The following IMPG1 variants were observed in gnomAD, a reference collection of about 807,000 sequenced individuals.
IMPG1 encodes the protein interphotoreceptor matrix proteoglycan of 150 kDa.
IMPG1 carries 85 observed loss-of-function variants against 92.0 expected under a neutral mutation model. That is an observed-to-expected ratio of 0.92 (90% confidence interval 0.78 to 1.11). The LOEUF (loss-of-function observed/expected upper bound fraction) is 1.11, where lower values mean the gene tolerates loss of function less well. Ranked by LOEUF, IMPG1 falls within the 50% of genes least tolerant of loss-of-function variation. The probability of loss-of-function intolerance (pLI) is 0.00; values close to 1 mark genes in which losing one functional copy is unlikely to be tolerated. For synonymous variants in IMPG1, 367 were observed against 334.1 expected (o/e 1.10, Z -1.08); for missense variants, 1,022 against 956.0 (o/e 1.07, Z -0.91).
chr6:76,038,796 T>A (rs1582122914), intron 2 of IMPG1, among the ~76,000 whole-genome samples: 1 of 152,194 alleles, frequency 6.6e-6, no homozygotes, highest in East Asian at 1.9e-4. Flanking sequence ...AGCTTCTCTG[T>A]CAAAGGTCAT....
intron 12 of IMPG1, among the ~76,000 whole-genome samples, chr6:76,000,487 A>G (rs774456080): frequency 6.6e-6 from 1 of 152,224 alleles, no homozygotes; most frequent in Non-Finnish European, 1.5e-5. Context: ...GTAAATCGCT[A>G]TAAATCTTTT....
intron 5 of IMPG1, among the ~76,000 whole-genome samples, chr6:76,024,654 T>C (rs184300960): frequency 2.1e-5 from 3 of 145,568 alleles, no homozygotes; most frequent in Admixed American, 7.0e-5. Flanking sequence ...AGTGTTTGAC[T>C]TAGTAATCTA....
At chr6:76,068,263 T>C (rs923952610) in intron 1 of IMPG1, among the ~76,000 whole-genome samples, 2 of 152,158 alleles carry the variant, frequency 1.3e-5, no homozygotes, top group African/African-American at 2.4e-5. Context: ...TTGCTGCTGA[T>C]GATATGATCT....
chr6:75,950,758 G>C lies in IMPG1; in HGVS notation c.1628C>G (p.Pro543Arg), dbSNP rs766748874. Reference protein sequence around the residue: ...VPELSEYVSVPDHFLEDTTPV... With the variant: ...VPELSEYVSVRDHFLEDTTPV... ...AGTGGTATCCTCCAAGAAATGATCT[G>C]GGACAGAAACATATTCGCTGAGCTC... The change falls in exon 13 of 17, where the codon CCA (proline) becomes CGA (arginine). Residue 543 changes from proline to arginine, a missense_variant. Around this residue, in one of 3 missense-constraint regions of IMPG1, gnomAD observed 332 missense variants for 346.2 expected, o/e 0.96. Coordinates refer to ENST00000369950, the MANE Select transcript of IMPG1 (RefSeq NM_001563.4). 4 of 1,613,892 alleles carry C rather than the reference G, an allele frequency of 2.5e-6. No individual in the cohort carries two copies. The South Asian group carries it at 4.4e-5, about 18-fold the overall frequency.
At chr6:76,008,937 G>C (rs1452765695) in intron 8 of IMPG1, among the ~76,000 whole-genome samples, 1 of 152,084 alleles carries the variant, frequency 6.6e-6, no homozygotes, top group Non-Finnish European at 1.5e-5. Flanking sequence ...CTATAAATCA[G>C]TTTGCATTTT....
chr6:76,061,181 G>A lies in IMPG1; in HGVS notation c.67+11241C>T, dbSNP rs551260495. Among the ~76,000 whole-genome samples the A allele has an allele frequency of 3.3e-5, 5 of 152,268 alleles. No homozygotes were observed. The South Asian group carries it at 1.0e-3, about 32-fold the overall frequency. On this transcript the variant is annotated intron_variant, in intron 1 of 16. Coordinates refer to ENST00000369950, the MANE Select transcript of IMPG1 (RefSeq NM_001563.4). ...CTAAAGGGGCCACAAGGCAGCAAGT[G>A]TTTTTTATTACTAAAGCAAATATAT... is the stretch of plus-strand genomic sequence containing the variant.
At chr6:75,987,808 C>T (rs945160377) in intron 12 of IMPG1, among the ~76,000 whole-genome samples, 2 of 151,982 alleles carry the variant, frequency 1.3e-5, no homozygotes, top group African/African-American at 4.8e-5. Context: ...CAAGGCCCGA[C>T]TAATTTTTTT....
At chr6:75,976,648 A>G (rs1782539764) in intron 12 of IMPG1, among the ~76,000 whole-genome samples, 1 of 152,220 alleles carries the variant, frequency 6.6e-6, no homozygotes, top group Non-Finnish European at 1.5e-5. Context: ...GCGGTGTCTC[A>G]TGCCTGTAAT....
At chr6:75,980,169 A>C (rs994037383) in intron 12 of IMPG1, among the ~76,000 whole-genome samples, 1 of 152,232 alleles carries the variant, frequency 6.6e-6, no homozygotes, top group Non-Finnish European at 1.5e-5. Flanking sequence ...TTGAAGGAGA[A>C]ATTGGATTTA....
chr6:76,022,773 G>T (rs576466852), intron 5 of IMPG1, among the ~76,000 whole-genome samples: 1 of 152,192 alleles, frequency 6.6e-6, no homozygotes, highest in African/African-American at 2.4e-5. Flanking sequence ...GCAAGTCTGG[G>T]TTCTATTCAA....
At chr6:75,972,167 A>T (rs1196654290) in intron 12 of IMPG1, among the ~76,000 whole-genome samples, 1 of 152,188 alleles carries the variant, frequency 6.6e-6, no homozygotes, top group Non-Finnish European at 1.5e-5. Context: ...TTTGTTGTGC[A>T]GTACTGTCCT....
intron 13 of IMPG1, 86 bp downstream of exon 13, chr6:75,950,476 C>T (rs1312197628): frequency 1.6e-6 from 2 of 1,232,680 alleles, no homozygotes; most frequent in African/African-American, 3.1e-5. Flanking sequence ...ACACTAATTG[C>T]TCAAGACAGC....
Position 75,939,199 on chromosome 6 carries a change from TC to T in IMPG1, c.2045-8049del, listed in dbSNP as rs774513343. On this transcript the variant is annotated intron_variant, in intron 14 of 16. Transcript: ENST00000369950. The stretch of plus-strand genomic sequence containing the variant: ...TCTCAACTTCCTTTTTCTTTTCTTT[TC>T]TTTTTTTTAAAATTATACTTTAAGT... 1.9e-3 allele frequency among the ~76,000 whole-genome samples: 292 copies of T among 152,348 alleles called. 1 individual carries two copies. The highest frequency in any genetic ancestry group is 5.8e-3 in the South Asian group (28 of 4,832).
rs1224488663 is a variant in IMPG1 at position 75,974,428 on chromosome 6, G to GCTTCCTTCCTTCCTTC, written c.1292-23350_1292-23335dup. 7.9e-3 allele frequency among the ~76,000 whole-genome samples: 758 copies of GCTTCCTTCCTTCCTTC among 96,058 alleles called. 31 individuals are homozygous for GCTTCCTTCCTTCCTTC. Among genetic ancestry groups the GCTTCCTTCCTTCCTTC allele is most frequent in the South Asian group, 0.02 (52 of 2,560 alleles). The allele number at this position is 96,058 out of a possible 152,430, so 63.0% of individuals were successfully genotyped here. A position where few individuals can be genotyped will look rare whatever the true frequency, so the allele number is the denominator to read the frequency against. ...TCCTTCCTTCCTTCCTTCCTTCCTT[G>GCTTCCTTCCTTCCTTC]CTTCCTTCCTTCCTTCCTTCCTTCT... On this transcript the variant is annotated intron_variant, in intron 12 of 16. Transcript: ENST00000369950.
intron 12 of IMPG1, among the ~76,000 whole-genome samples, chr6:75,973,104 A>AGTGGCT (rs1395866280): frequency 2.0e-5 from 3 of 152,220 alleles, no homozygotes; most frequent in Non-Finnish European, 4.4e-5. Flanking sequence ...CAGTCTCTAG[A>AGTGGCT]GTGGCTGGAA....
chr6:75,942,629 G>T (rs1781853926), intron 14 of IMPG1, among the ~76,000 whole-genome samples: 2 of 152,172 alleles, frequency 1.3e-5, no homozygotes, highest in Admixed American at 1.3e-4. Flanking sequence ...GCACTGGTTG[G>T]TTGTACTAGG....
chr6:76,064,495 G>T (rs1291126491), intron 1 of IMPG1, among the ~76,000 whole-genome samples: 1 of 151,622 alleles, frequency 6.6e-6, no homozygotes, highest in Non-Finnish European at 1.5e-5. Context: ...CTGTGTTTCT[G>T]CCTGCCCAAG....
At chr6:76,024,398 T>TA (rs1554235278) in intron 5 of IMPG1, among the ~76,000 whole-genome samples, 1 of 151,154 alleles carries the variant, frequency 6.6e-6, no homozygotes, top group African/African-American at 2.4e-5. Context: ...AAGTATTCTT[T>TA]TATGTGAAAA....
chr6:76,018,346 A>G (rs1339307645), intron 7 of IMPG1, among the ~76,000 whole-genome samples: 2 of 152,254 alleles, frequency 1.3e-5, no homozygotes, highest in Non-Finnish European at 2.9e-5. Context: ...GATGAGACGA[A>G]GTAAGGTAAA....
Sources: gnomAD v4.1 joint callset for allele counts (sites outside exome capture counted in the v4.1 genomes callset) on GRCh38, gnomAD v4.1.1 for gene constraint, gnomAD v4.1.1 regional missense constraint, MANE v1.5 for transcripts, NCBI Gene and HGNC (gene_info 2026-07-23, HGNC 2026-07-21) for gene names.